Variants in LARS2 observed in about 807,000 individuals in gnomAD.
LARS2 encodes leucyl-tRNA synthetase 2, mitochondrial.
A neutral mutation model predicts 116.6 loss-of-function variants in LARS2; 81 were observed. The observed-to-expected ratio is 0.69, with a 90% CI of 0.58 to 0.84. The LOEUF (loss-of-function observed/expected upper bound fraction) is 0.84, where lower values mean the gene tolerates loss of function less well. Ranked by LOEUF, LARS2 falls within the 40% of genes least tolerant of loss-of-function variation. The pLI is 0.00. For missense variants in LARS2, 968 were observed against 1,114.5 expected (o/e 0.87, Z 1.87); for synonymous variants, 396 against 407.2 (o/e 0.97, Z 0.33).
chr3:45,433,854 A>G (rs1698760478), intron 6 of LARS2, among the ~76,000 whole-genome samples: 1 of 152,042 alleles, frequency 6.6e-6, no homozygotes, highest in Admixed American at 6.6e-5. Context: ...TCTGAAGGAT[A>G]TTTTCAAGAG....
At chr3:45,443,509 C>T (rs192942409) in intron 6 of LARS2, among the ~76,000 whole-genome samples, 144 of 152,220 alleles carry the variant, frequency 9.5e-4, no homozygotes, top group African/African-American at 3.3e-3. Flanking sequence ...GTGAGCCTTG[C>T]GAGTGTCTGT....
In LARS2 at chr3:45,486,259, C is replaced by T. The variant is rs145391407; in HGVS notation, c.1123+463C>T. On this transcript the variant is annotated intron_variant, in intron 11 of 21. Coordinates refer to ENST00000645846, the MANE Select transcript of LARS2 (RefSeq NM_015340.4). ...GATGTGGGCTGGGTTTTGGTGAAGG[C>T]TTTGTGGAGGAGGCGAACTCGAGCT... 2.6e-3 allele frequency among the ~76,000 whole-genome samples: 400 copies of T among 152,186 alleles called. 3 individuals carry two copies. Among genetic ancestry groups the T allele is most frequent in the African/African-American group, 9.0e-3 (372 of 41,528 alleles).
chr3:45,508,150 A>G (rs1483057278), intron 15 of LARS2, among the ~76,000 whole-genome samples: 1 of 152,002 alleles, frequency 6.6e-6, no homozygotes, highest in East Asian at 1.9e-4. Flanking sequence ...CCCAAACTGA[A>G]TTTCTCCCTT....
At chr3:45,441,950 T>A (rs1398405836) in intron 6 of LARS2, among the ~76,000 whole-genome samples, 3 of 152,146 alleles carry the variant, frequency 2.0e-5, no homozygotes, top group Non-Finnish European at 4.4e-5. Flanking sequence ...GAGGAACAAT[T>A]CTAGTTGGAA....
At position 45,416,988 on chromosome 3, in the gene LARS2, C is replaced by T. The variant is rs144452585; in HGVS notation, c.364-494C>T. Among the ~76,000 whole-genome samples the T allele has an allele frequency of 3.6e-3, 549 of 151,236 alleles. 3 individuals are homozygous for T. Among genetic ancestry groups the T allele is most frequent in the African/African-American group, 0.013 (526 of 41,280 alleles). The stretch of plus-strand genomic sequence containing the variant: ...ACTCGGGAGGCTGATGCAGGAGAAT[C>T]GCTTGAACCTGGGAGGTGGAGGTTG... On this transcript the variant is annotated intron_variant, in intron 4 of 21. Coordinates refer to ENST00000645846, the MANE Select transcript of LARS2 (RefSeq NM_015340.4).
chr3:45,399,740 C>T (rs576754107), intron 3 of LARS2, among the ~76,000 whole-genome samples: 4 of 151,962 alleles, frequency 2.6e-5, no homozygotes, highest in East Asian at 1.9e-4. Flanking sequence ...ACCCCTCACC[C>T]GAGCAGTATA....
At chr3:45,406,979 C>A (rs958231751) in intron 4 of LARS2, among the ~76,000 whole-genome samples, 4 of 152,230 alleles carry the variant, frequency 2.6e-5, no homozygotes, top group African/African-American at 9.6e-5. Flanking sequence ...GTCTCCCCAG[C>A]ACCTTCTGGT....
intron 6 of LARS2, among the ~76,000 whole-genome samples, chr3:45,443,158 T>C (rs1698942889): frequency 1.3e-5 from 2 of 152,342 alleles, no homozygotes; most frequent in African/African-American, 4.8e-5. Flanking sequence ...GAAAGGACTA[T>C]TAACATCACC....
chr3:45,538,053 A>G (rs1700735116), intron 20 of LARS2, among the ~76,000 whole-genome samples: 1 of 152,200 alleles, frequency 6.6e-6, no homozygotes, highest in African/African-American at 2.4e-5. Flanking sequence ...GCATTACCAC[A>G]TAAAGGAATC....
chr3:45,476,377 G>A (rs1443006204), intron 9 of LARS2, 91 bp from the exon 10 acceptor site: 2 of 1,354,136 alleles, frequency 1.5e-6, no homozygotes, highest in African/African-American at 1.4e-5. Flanking sequence ...GTTGGGGAAT[G>A]AGGAGGGAAG....
intron 15 of LARS2, among the ~76,000 whole-genome samples, chr3:45,506,704 C>A (rs553811032): frequency 1.3e-5 from 2 of 152,204 alleles, no homozygotes; most frequent in Non-Finnish European, 2.9e-5. Context: ...GGACAAGAAG[C>A]TGAACTCCTT....
chr3:45,537,024 CTGTGTGTGTGTGTGTG>C (rs5848749), intron 20 of LARS2, among the ~76,000 whole-genome samples: 1 of 150,146 alleles, frequency 6.7e-6, no homozygotes, highest in African/African-American at 2.5e-5. Flanking sequence ...TTCTTTTGCT[CTGTGTGTGTGTGTGTG>C]TGTGTGTGTG....
intron 6 of LARS2, among the ~76,000 whole-genome samples, chr3:45,439,122 G>A (rs1461018687): frequency 6.6e-6 from 1 of 151,442 alleles, no homozygotes; most frequent in African/African-American, 2.4e-5. Flanking sequence ...TGTGGGAGGG[G>A]AAGGCCATTC....
At chr3:45,402,865 G>A (rs9832259) in intron 4 of LARS2, among the ~76,000 whole-genome samples, 95,686 of 151,680 alleles carry the variant, frequency 0.63, 31,303 homozygotes, top group Non-Finnish European at 0.73. Flanking sequence ...CAGCACTTTG[G>A]GAGGCCGAAG....
chr3:45,472,282 G>A (rs1699541033), intron 8 of LARS2, among the ~76,000 whole-genome samples: 1 of 152,190 alleles, frequency 6.6e-6, no homozygotes, highest in Non-Finnish European at 1.5e-5. Context: ...ACCCTACAGT[G>A]TTCTGAAACT....
rs990049514 is a variant in LARS2 at position 45,547,493 on chromosome 3, C to T, written c.2675C>T (p.Pro892Leu). 11 of 1,612,308 alleles carry T rather than the reference C, an allele frequency of 6.8e-6. No homozygotes were observed. The highest frequency in any genetic ancestry group is 1.7e-5 in the Admixed American group (1 of 59,608). Reference protein sequence around the residue: ...GRSIKKSFLSPRTALINFLVQ... With the variant: ...GRSIKKSFLSLRTALINFLVQ... ...AGCATCAAGAAGTCCTTCCTTTCCC[C>T]GAGAACTGCCCTCATCAACTTCCTG... is the stretch of plus-strand genomic sequence containing the variant. The change falls in exon 22 of 22, where the codon CCG becomes CTG. Residue 892 changes from proline (P) to leucine (L), a missense_variant. Coordinates refer to ENST00000645846, the MANE Select transcript of LARS2 (RefSeq NM_015340.4).
At chr3:45,457,707 G>A (rs1451985182) in intron 7 of LARS2, among the ~76,000 whole-genome samples, 1 of 152,068 alleles carries the variant, frequency 6.6e-6, no homozygotes, top group African/African-American at 2.4e-5. Context: ...CAAAAAATGT[G>A]TATGAAGTCA....
In LARS2 at chr3:45,500,343, G is replaced by T. The variant is rs757471211; in HGVS notation, c.1623-99G>T. On this transcript the variant is annotated intron_variant, in intron 14 of 21. Coordinates refer to ENST00000645846, the MANE Select transcript of LARS2 (RefSeq NM_015340.4). Reference sequence around the variant, plus strand: ...AAAAATCATTGTTATTCCCTGATACGGTTCATTTCAGGGCATATGCATATT... The same window carrying T: ...AAAAATCATTGTTATTCCCTGATACTGTTCATTTCAGGGCATATGCATATT... 241 of 1,139,912 alleles carry T rather than the reference G, an allele frequency of 2.1e-4. 1 individual carries two copies. Among genetic ancestry groups the T allele is most frequent in the Admixed American group, 8.0e-5 (3 of 37,728 alleles). 70.6% of individuals were successfully genotyped at this position (1,139,912 alleles called of 1,614,324 possible).
intron 6 of LARS2, among the ~76,000 whole-genome samples, chr3:45,437,557 G>A (rs1698827847): frequency 6.6e-6 from 1 of 152,202 alleles, no homozygotes. Context: ...CCTGGGCAGT[G>A]GGAGTCATGA....
Sources: allele counts gnomAD v4.1 joint callset (sites outside exome capture counted in the v4.1 genomes callset), GRCh38; gene constraint gnomAD v4.1.1; transcripts MANE v1.5; gene names NCBI Gene and HGNC (gene_info 2026-07-23, HGNC 2026-07-21).